The following CCBE1 variants were observed in gnomAD, a reference collection of about 807,000 sequenced individuals.
CCBE1 encodes the protein collagen and calcium binding EGF domains 1.
A neutral mutation model predicts 50.0 loss-of-function variants in CCBE1; 37 were observed. The ratio of observed to expected loss-of-function variants is 0.74; its 90% CI spans 0.57 to 0.97. The LOEUF (loss-of-function observed/expected upper bound fraction) is 0.97. CCBE1 is among the 50% of genes least tolerant of loss of function. The pLI, the probability that CCBE1 is intolerant of heterozygous loss-of-function variation, is 0.00. For synonymous variants in CCBE1, 234 were observed against 203.7 expected (o/e 1.15, Z -1.27); for missense variants, 538 against 523.8 (o/e 1.03, Z -0.26).
intron 2 of CCBE1, among the ~76,000 whole-genome samples, chr18:59,504,383 CCTTTT>C (rs1420364910): frequency 1.1e-5 from 1 of 95,184 alleles, no homozygotes; most frequent in African/African-American, 5.5e-5. Flanking sequence ...AGAATGTCTT[CCTTTT>C]TTTTTTTTTT....
chr18:59,523,364 A>G (rs1914688188), intron 2 of CCBE1, among the ~76,000 whole-genome samples: 1 of 150,940 alleles, frequency 6.6e-6, no homozygotes, highest in African/African-American at 2.4e-5. Flanking sequence ...GAAGTCAGGC[A>G]TTCTAGATTC....
intron 3 of CCBE1, among the ~76,000 whole-genome samples, chr18:59,475,502 C>T (rs1320583586): frequency 6.6e-6 from 1 of 152,108 alleles, no homozygotes; most frequent in Non-Finnish European, 1.5e-5. Context: ...ACATCCTTGC[C>T]TTCTCACCTC....
intron 2 of CCBE1, among the ~76,000 whole-genome samples, chr18:59,520,137 G>C (rs1015163660): frequency 6.6e-6 from 1 of 152,092 alleles, no homozygotes; most frequent in Non-Finnish European, 1.5e-5. Flanking sequence ...TTTTGCTTAG[G>C]ATTGTCTTGG....
intron 2 of CCBE1, among the ~76,000 whole-genome samples, chr18:59,504,726 G>A (rs958139217): frequency 5.9e-5 from 9 of 152,168 alleles, no homozygotes; most frequent in Non-Finnish European, 2.9e-5. Flanking sequence ...ATGTCCTCCT[G>A]CCTCCACATG....
rs1913024104 is a variant in CCBE1 at position 59,490,069 on chromosome 18, C to T, written c.213-9831G>A. On this transcript the variant is annotated intron_variant, in intron 2 of 10. Coordinates refer to ENST00000439986, the MANE Select transcript of CCBE1 (RefSeq NM_133459.4). ...TGGCGTGATCTTGGCTCACTGCAAC[C>T]TCCACCTCCCAGGTTCAAGTGATTC... 2.0e-5 allele frequency among the ~76,000 whole-genome samples: 3 copies of T among 146,364 alleles called. No homozygotes were observed. The South Asian group carries it at 6.4e-4, about 31-fold the overall frequency.
At chr18:59,595,892 C>T (rs1452899298) in intron 2 of CCBE1, among the ~76,000 whole-genome samples, 1 of 152,164 alleles carries the variant, frequency 6.6e-6, no homozygotes, top group Non-Finnish European at 1.5e-5. Context: ...AAGGACTTTG[C>T]TACCTCCAAG....
intron 2 of CCBE1, among the ~76,000 whole-genome samples, chr18:59,551,866 G>A (rs527510257): frequency 5.3e-5 from 8 of 152,300 alleles, no homozygotes; most frequent in Admixed American, 6.5e-5. Context: ...CAGTTTCTTC[G>A]TCTGCAATAT....
Position 59,516,407 on chromosome 18 carries a change from G to C in CCBE1, c.213-36169C>G, listed in dbSNP as rs182707102. On this transcript the variant is annotated intron_variant, in intron 2 of 10. Transcript: ENST00000439986. ...CTGCAACTTTTCATTAAGGCTGGGG[G>C]ATAAGAAAGAGCCAGTGAAAATGAG... 2.9e-4 allele frequency among the ~76,000 whole-genome samples: 44 copies of C among 152,268 alleles called. No homozygotes were observed. The East Asian group carries it at 4.8e-3, about 17-fold the overall frequency.
chr18:59,642,904 G>A (rs535622877), intron 2 of CCBE1, among the ~76,000 whole-genome samples: 17 of 142,738 alleles, frequency 1.2e-4, no homozygotes, highest in African/African-American at 3.2e-4. Context: ...AACCGAGATC[G>A]TGCCACTGCA....
chr18:59,543,834 CAAAAAAAA>C (rs10678902), intron 2 of CCBE1, among the ~76,000 whole-genome samples: 14 of 69,000 alleles, frequency 2.0e-4, no homozygotes, highest in African/African-American at 8.7e-4. Flanking sequence ...GACTCCGTCT[CAAAAAAAA>C]AAAAAAAAAA....
chr18:59,477,370 A>G (rs1912357524), intron 3 of CCBE1, among the ~76,000 whole-genome samples: 1 of 152,236 alleles, frequency 6.6e-6, no homozygotes, highest in South Asian at 2.1e-4. Context: ...AGGTAGAGAA[A>G]GAACCACGAT....
intron 2 of CCBE1, among the ~76,000 whole-genome samples, chr18:59,541,941 C>G (rs1183459901): frequency 6.6e-6 from 1 of 152,006 alleles, no homozygotes; most frequent in African/African-American, 2.4e-5. Flanking sequence ...CTTTGGGAGG[C>G]TGAAGTGGGT....
chr18:59,557,683 TG>T (rs1436193836), intron 2 of CCBE1, among the ~76,000 whole-genome samples: 1 of 152,140 alleles, frequency 6.6e-6, no homozygotes, highest in Admixed American at 6.5e-5. Flanking sequence ...AAGTAACCAA[TG>T]GGGAACTTCT....
At chr18:59,587,852 A>G (rs986644497) in intron 2 of CCBE1, among the ~76,000 whole-genome samples, 3 of 152,232 alleles carry the variant, frequency 2.0e-5, no homozygotes, top group Non-Finnish European at 4.4e-5. Context: ...TATACTTGAA[A>G]TCAATTGTAC....
intron 2 of CCBE1, among the ~76,000 whole-genome samples, chr18:59,539,799 A>G (rs1013304373): frequency 3.9e-5 from 6 of 152,370 alleles, no homozygotes; most frequent in Non-Finnish European, 7.3e-5. Context: ...TCACATAAGA[A>G]TCAACCAAAA....
At chr18:59,616,827 C>T (rs1319655853) in intron 2 of CCBE1, among the ~76,000 whole-genome samples, 25 of 152,152 alleles carry the variant, frequency 1.6e-4, no homozygotes, top group Admixed American at 1.6e-3. Flanking sequence ...AAAGCCTGTT[C>T]GGACGGAAGC....
intron 2 of CCBE1, among the ~76,000 whole-genome samples, chr18:59,554,989 C>T (rs1160919124): frequency 3.3e-5 from 5 of 152,300 alleles, no homozygotes; most frequent in Non-Finnish European, 7.4e-5. Flanking sequence ...ACTGGTTTTG[C>T]CACTTAGTTG....
At chr18:59,502,324 G>A (rs1040647547) in intron 2 of CCBE1, among the ~76,000 whole-genome samples, 5 of 152,180 alleles carry the variant, frequency 3.3e-5, no homozygotes, top group Non-Finnish European at 7.3e-5. Flanking sequence ...TCCCTGGTGG[G>A]ACACAGGCAC....
chr18:59,655,434 G>A (rs1476186842), intron 2 of CCBE1, among the ~76,000 whole-genome samples: 4 of 152,144 alleles, frequency 2.6e-5, no homozygotes, highest in Non-Finnish European at 4.4e-5. Flanking sequence ...GTCATGAGGA[G>A]ATGAGGGACA....
Sources: gnomAD v4.1 joint callset for allele counts (sites outside exome capture counted in the v4.1 genomes callset) on GRCh38, gnomAD v4.1.1 for gene constraint, MANE v1.5 for transcripts, NCBI Gene and HGNC (gene_info 2026-07-23, HGNC 2026-07-21) for gene names.